The following LAMA2 variants were observed in gnomAD, a reference collection of about 807,000 sequenced individuals.
LAMA2 encodes the protein laminin subunit alpha 2.
Under a neutral mutation model 364.8 loss-of-function variants are expected in LAMA2, and 269 were observed. That is an observed-to-expected ratio of 0.74 (90% CI 0.67 to 0.82). LAMA2 has a LOEUF of 0.82. Ranked by LOEUF, LAMA2 falls within the 40% of genes least tolerant of loss-of-function variation. The pLI, the probability that LAMA2 is intolerant of heterozygous loss-of-function variation, is 0.00. For synonymous variants in LAMA2, 1,379 were observed against 1,370.6 expected (o/e 1.01, Z -0.14); for missense variants, 3,807 against 3,873.2 (o/e 0.98, Z 0.45).
At chr6:129,079,240 C>T (rs1436536013) in intron 3 of LAMA2, among the ~76,000 whole-genome samples, 1 of 151,978 alleles carries the variant, frequency 6.6e-6, no homozygotes, top group Non-Finnish European at 1.5e-5. Context: ...ATTCACATAA[C>T]TTTTATTATA....
chr6:129,416,310 G>A (rs990883961), intron 40 of LAMA2, among the ~76,000 whole-genome samples: 1 of 151,988 alleles, frequency 6.6e-6, no homozygotes, highest in Non-Finnish European at 1.5e-5. Context: ...AATCTCCCCC[G>A]GACAGTCACT....
At chr6:129,493,125 A>G (rs1376469896) in intron 58 of LAMA2, among the ~76,000 whole-genome samples, 4 of 152,256 alleles carry the variant, frequency 2.6e-5, no homozygotes, top group Non-Finnish European at 5.9e-5. Context: ...ACTGTACTCC[A>G]GCCTGGGCAA....
At chr6:129,092,000 G>A (rs532204211) in intron 3 of LAMA2, among the ~76,000 whole-genome samples, 33 of 152,270 alleles carry the variant, frequency 2.2e-4, no homozygotes, top group African/African-American at 7.9e-4. Flanking sequence ...CTTAGGTGGG[G>A]ATGGGGCTTT....
At chr6:129,320,968 T>G (rs571162125) in intron 28 of LAMA2, among the ~76,000 whole-genome samples, 1 of 152,216 alleles carries the variant, frequency 6.6e-6, no homozygotes, top group Admixed American at 6.5e-5. Flanking sequence ...GTTAGAGACA[T>G]TTAAACTGCA....
rs1782829142 is a variant in LAMA2 at position 129,454,068 on chromosome 6, G to A, written c.6574-87G>A. 3.9e-6 allele frequency: 4 copies of A among 1,019,472 alleles called. No homozygotes were observed. The Admixed American group carries it at 6.9e-5, about 18-fold the overall frequency. 63.2% of individuals were successfully genotyped at this position (1,019,472 alleles called of 1,614,324 possible). A position where few individuals can be genotyped will look rare whatever the true frequency, so the allele number is the denominator to read the frequency against. On this transcript the variant is annotated intron_variant, in intron 46 of 64. Coordinates refer to ENST00000421865, the MANE Select transcript of LAMA2 (RefSeq NM_000426.4). ...CTAATCATTTCACATGTCTGCAAATGGCGCTTATTGAAAAACACTCTGCTG... is the reference window on the plus strand; with the variant it reads ...CTAATCATTTCACATGTCTGCAAATAGCGCTTATTGAAAAACACTCTGCTG...
chr6:128,947,806 A>G (rs528354790), intron 1 of LAMA2, among the ~76,000 whole-genome samples: 1 of 152,132 alleles, frequency 6.6e-6, no homozygotes, highest in Non-Finnish European at 1.5e-5. Flanking sequence ...GAGGACAGTT[A>G]CAGTGTTATA....
In LAMA2 at chr6:129,291,726, G is replaced by T. The variant is rs779467311; in HGVS notation, c.2856+6G>T. On this transcript the variant is annotated splice_donor_region_variant and intron_variant, in intron 20 of 64. Transcript: ENST00000421865. The stretch of plus-strand genomic sequence containing the variant: ...AGAGATGTGACAAATGCAAGGTAAG[G>T]AGTAGAGGCTGACCCATAAATTACT... 1.3e-6 allele frequency: 2 copies of T among 1,584,538 alleles called. No individual in the cohort carries two copies. The highest frequency in any genetic ancestry group is 2.2e-5 in the South Asian group (2 of 90,460).
At chr6:129,382,071 C>A (rs1463671873) in intron 34 of LAMA2, among the ~76,000 whole-genome samples, 1 of 152,168 alleles carries the variant, frequency 6.6e-6, no homozygotes, top group African/African-American at 2.4e-5. Context: ...AATATTAATT[C>A]TCTGGCCATG....
chr6:128,892,665 A>G (rs1182163815), intron 1 of LAMA2, among the ~76,000 whole-genome samples: 1 of 151,924 alleles, frequency 6.6e-6, no homozygotes, highest in Non-Finnish European at 1.5e-5. Flanking sequence ...TGGAAAGTCT[A>G]ATTGGATTGC....
At chr6:129,331,581 A>G (rs1365519359) in intron 29 of LAMA2, among the ~76,000 whole-genome samples, 2 of 151,526 alleles carry the variant, frequency 1.3e-5, no homozygotes, top group African/African-American at 2.4e-5. Context: ...TCTTCCCCCT[A>G]TGTTCTCAAT....
At chr6:129,010,820 G>A (rs1197936404) in intron 1 of LAMA2, among the ~76,000 whole-genome samples, 1 of 152,200 alleles carries the variant, frequency 6.6e-6, no homozygotes, top group African/African-American at 2.4e-5. Flanking sequence ...TGTAGAGAAG[G>A]TGAATGGTAT....
intron 12 of LAMA2, among the ~76,000 whole-genome samples, chr6:129,229,027 A>G (rs1251927681): frequency 6.6e-6 from 1 of 152,176 alleles, no homozygotes. Flanking sequence ...TTGATCCTGC[A>G]TATACTTGAT....
At chr6:129,044,943 T>C (rs2114762399) in intron 1 of LAMA2, among the ~76,000 whole-genome samples, 1 of 152,256 alleles carries the variant, frequency 6.6e-6, no homozygotes, top group East Asian at 1.9e-4. Flanking sequence ...TGCTTTTGAA[T>C]GGGAATAAGT....
At position 129,048,440 on chromosome 6, in the gene LAMA2, T is replaced by TTTTCTTTCTTTCTTTC. The variant is rs1271730400; in HGVS notation, c.113-1437_113-1422dup. ...TTTAGTCAGGAAGGTTTCTTTTTTC[T>TTTTCTTTCTTTCTTTC]TTTCTTTCTTTCTTTCTTTCTTTCT... On this transcript the variant is annotated intron_variant, in intron 1 of 64. Coordinates refer to ENST00000421865, the MANE Select transcript of LAMA2 (RefSeq NM_000426.4). 5.7e-4 allele frequency among the ~76,000 whole-genome samples: 59 copies of TTTTCTTTCTTTCTTTC among 103,982 alleles called. 2 individuals carry two copies. The highest frequency in any genetic ancestry group is 9.2e-4 in the Non-Finnish European group (47 of 50,842). 68.2% of individuals were successfully genotyped at this position (103,982 alleles called of 152,430 possible).
chr6:129,152,671 A>G (rs1370059081), intron 7 of LAMA2, among the ~76,000 whole-genome samples: 1 of 152,188 alleles, frequency 6.6e-6, no homozygotes, highest in Non-Finnish European at 1.5e-5. Context: ...AAGTCACTCA[A>G]CTGGCAAATA....
chr6:129,098,329 C>G lies in LAMA2; in HGVS notation c.553C>G (p.Arg185Gly). The G allele has an allele frequency of 6.2e-7, 1 of 1,613,954 alleles. No homozygotes were observed. The highest frequency in any genetic ancestry group is 8.5e-7 in the Non-Finnish European group (1 of 1,179,942). ...ECLTLYNIYP[R>G]TGPPSYAKDD... ...CCTAACGCTTTACAATATTTATCCC[C>G]GCACTGGGCCACCGTCATATGCCAA... Residue 185 changes from arginine to glycine, a missense_variant, in exon 4 of 65, where the codon CGC becomes GGC. Physicochemically the swap from Arg to Gly is moderately radical, Grantham distance 125. Coordinates refer to ENST00000421865, the MANE Select transcript of LAMA2 (RefSeq NM_000426.4).
In LAMA2 at chr6:129,048,440, TTTTCTTTCTTTCTTTCTTTC is replaced by T. The variant is rs1271730400; in HGVS notation, c.113-1441_113-1422del. On this transcript the variant is annotated intron_variant, in intron 1 of 64. Transcript: ENST00000421865. Reference sequence around the variant, plus strand: ...TTTAGTCAGGAAGGTTTCTTTTTTCTTTTCTTTCTTTCTTTCTTTCTTTCTTTCTTTCTTTCTTTCTTTCT... The same window carrying T: ...TTTAGTCAGGAAGGTTTCTTTTTTCTTTTCTTTCTTTCTTTCTTTCTTTCT... 1.9e-3 allele frequency among the ~76,000 whole-genome samples: 195 copies of T among 103,948 alleles called. 3 individuals carry two copies. The highest frequency in any genetic ancestry group is 7.9e-3 in the South Asian group (23 of 2,914). 68.2% of individuals were successfully genotyped at this position (103,948 alleles called of 152,430 possible).
In LAMA2 at chr6:129,165,680, G is replaced by C; in HGVS notation, c.1306+5G>C. 1.3e-6 allele frequency: 2 copies of C among 1,568,100 alleles called. No individual in the cohort carries two copies. Among genetic ancestry groups the C allele is most frequent in the Non-Finnish European group, 8.8e-7 (1 of 1,138,846 alleles). On this transcript the variant is annotated splice_donor_5th_base_variant and intron_variant, in intron 9 of 64. Transcript: ENST00000421865. The stretch of plus-strand genomic sequence containing the variant: ...ATGAGAAACATGCTCGACGAGGTGA[G>C]AGCTGCAGCAGAATGTCACTGCTCT...
intron 8 of LAMA2, among the ~76,000 whole-genome samples, chr6:129,163,913 CATT>C (rs1779588661): frequency 6.6e-6 from 1 of 152,230 alleles, no homozygotes; most frequent in Admixed American, 6.5e-5. Flanking sequence ...TACCTTCACT[CATT>C]ATAAACATTG....
Sources: gnomAD v4.1 joint callset for allele counts (sites outside exome capture counted in the v4.1 genomes callset) on GRCh38, gnomAD v4.1.1 for gene constraint, MANE v1.5 for transcripts, NCBI Gene and HGNC (gene_info 2026-07-23, HGNC 2026-07-21) for gene names.